The following C7 variants were observed in gnomAD, a reference collection of about 807,000 sequenced individuals.
C7 encodes complement component C7.
Under a neutral mutation model 104.8 loss-of-function variants are expected in C7, and 83 were observed. That is an observed-to-expected ratio of 0.79 (90% CI 0.66 to 0.95). The LOEUF (loss-of-function observed/expected upper bound fraction) is 0.95, where lower values mean the gene tolerates loss of function less well. Ranked by LOEUF, C7 falls within the 40% of genes least tolerant of loss-of-function variation. The pLI is 0.00. For synonymous variants in C7, 415 were observed against 360.6 expected, an observed-to-expected ratio of 1.15 and a Z score of -1.71; for missense variants, 1,070 against 1,011.2, an observed-to-expected ratio of 1.06 and a Z score of -0.79.
chr5:40,948,112 A>T (rs1355185302), intron 8 of C7, among the ~76,000 whole-genome samples: 1 of 152,156 alleles, frequency 6.6e-6, no homozygotes, highest in African/African-American at 2.4e-5. Flanking sequence ...GGTTTTTAGA[A>T]TGCTTTTTAA....
At chr5:40,956,195 A>C (rs149135927) in intron 10 of C7, among the ~76,000 whole-genome samples, 1 of 152,332 alleles carries the variant, frequency 6.6e-6, no homozygotes, top group African/African-American at 2.4e-5. Context: ...GGTTTTATAC[A>C]TGTTAAATTA....
At position 40,958,126 on chromosome 5, in the gene C7, T is replaced by C; in HGVS notation, c.1354T>C (p.Phe452Leu). ...KWALEEYLDE[F>L]DPCHCRPCQN... ...GGCTCTTGAAGAGTATCTGGATGAATTTGACCCCTGTCATTGCCGGCCTTG... is the reference window on the plus strand; with the variant it reads ...GGCTCTTGAAGAGTATCTGGATGAACTTGACCCCTGTCATTGCCGGCCTTG... The change falls in exon 11 of 18, where the codon TTT becomes CTT. Residue 452 changes from phenylalanine (F) to leucine (L), a missense_variant. By Grantham distance (22) the Phe-to-Leu change is conservative. Coordinates refer to ENST00000313164, the MANE Select transcript of C7 (RefSeq NM_000587.4). 62 of 1,613,850 alleles carry C rather than the reference T, an allele frequency of 3.8e-5. No homozygotes were observed. The highest frequency in any genetic ancestry group is 5.3e-5 in the Non-Finnish European group (62 of 1,179,792).
At chr5:40,969,459 T>C (rs1344148341) in intron 14 of C7, among the ~76,000 whole-genome samples, 3 of 152,226 alleles carry the variant, frequency 2.0e-5, no homozygotes, top group African/African-American at 7.2e-5. Flanking sequence ...GTTAAATTAG[T>C]TTTAATTGAA....
At chr5:40,915,232 T>A (rs1207755798) in intron 1 of C7, among the ~76,000 whole-genome samples, 1 of 152,150 alleles carries the variant, frequency 6.6e-6, no homozygotes, top group Non-Finnish European at 1.5e-5. Context: ...TCCAACTGGA[T>A]CAGTCAAGCA....
intron 12 of C7, among the ~76,000 whole-genome samples, chr5:40,961,661 C>T (rs1381251988): frequency 6.6e-6 from 1 of 152,196 alleles, no homozygotes; most frequent in Non-Finnish European, 1.5e-5. Flanking sequence ...GCTGGGATTA[C>T]AGGCGTGAGC....
rs369521627 is a variant in C7, at chr5:40,984,346, C to A, written c.*2773C>A. On this transcript the variant is annotated 3_prime_UTR_variant, in exon 18 of 18. Transcript: ENST00000313164. ...GAAATCTGACAAGTGACCCCCGGAA[C>A]TTTGGATTACCTAGCAACTAGCCAG... Among the ~76,000 whole-genome samples, 21 of 152,246 alleles carry A rather than the reference C, an allele frequency of 1.4e-4. No individual in the cohort carries two copies. Among genetic ancestry groups the A allele is most frequent in the African/African-American group, 4.6e-4 (19 of 41,552 alleles).
intron 17 of C7, chr5:40,980,421 A>T (rs1185685003): frequency 6.6e-6 from 1 of 152,350 alleles, no homozygotes; most frequent in Non-Finnish European, 1.5e-5. Context: ...GGGTGTTAAA[A>T]ACATACTAGC....
rs777376438 is a variant in C7, at chr5:40,976,741, C to A, written c.2075-9C>A. 3.9e-5 allele frequency: 61 copies of A among 1,579,696 alleles called. No individual in the cohort carries two copies. The highest frequency in any genetic ancestry group is 5.3e-5 in the Non-Finnish European group (61 of 1,160,860). On this transcript the variant is annotated splice_polypyrimidine_tract_variant and intron_variant, in intron 15 of 17. Coordinates refer to ENST00000313164, the MANE Select transcript of C7 (RefSeq NM_000587.4). ...TCCTAACGACCACATCTCCCTTATC[C>A]TTTTTTAGAAAATCCGTTAACACAG...
chr5:40,970,957 T>C (rs1189546505), intron 14 of C7, among the ~76,000 whole-genome samples: 1 of 152,232 alleles, frequency 6.6e-6, no homozygotes, highest in African/African-American at 2.4e-5. Flanking sequence ...GGTGTATATG[T>C]GCCATATTTT....
rs1740723861 is a variant in C7, at chr5:40,972,565, A to G, written c.2045A>G (p.Glu682Gly). 1 of 1,610,228 alleles carries G rather than the reference A, an allele frequency of 6.2e-7. No homozygotes were observed. Residue 682 changes from glutamate (E) to glycine (G), a missense_variant, in exon 15 of 18, where the codon GAG becomes GGG. By Grantham distance (98) the Glu-to-Gly change is moderately conservative (BLOSUM62 -2). Coordinates refer to ENST00000313164, the MANE Select transcript of C7 (RefSeq NM_000587.4). ...LCGSSLKWSP[E>G]MKNARCVQKE... ...GGCTCCAGCCTTAAGTGGAGTCCTG[A>G]GATGAAGAATGCCCGCTGTGTACAA...
intron 1 of C7, among the ~76,000 whole-genome samples, chr5:40,919,205 C>G (rs112106395): frequency 6.6e-6 from 1 of 151,296 alleles, no homozygotes; most frequent in Non-Finnish European, 1.5e-5. Flanking sequence ...CTCACTACAA[C>G]CTCCACCTCC....
chr5:40,912,342 T>C (rs1561233526), intron 1 of C7, among the ~76,000 whole-genome samples: 1 of 152,192 alleles, frequency 6.6e-6, no homozygotes, highest in Non-Finnish European at 1.5e-5. Context: ...TGATAAAAAG[T>C]ATATTTCCTA....
intron 13 of C7, among the ~76,000 whole-genome samples, chr5:40,964,033 T>G (rs10059798): frequency 0.026 from 3,055 of 117,130 alleles, 129 homozygotes; most frequent in African/African-American, 0.11. Flanking sequence ...TTTTTTTTTT[T>G]TTTTTTTTTT....
intron 3 of C7, 127 bp from the exon 4 acceptor site, chr5:40,934,198 T>C (rs1739757245): frequency 2.0e-6 from 2 of 985,384 alleles, no homozygotes; most frequent in Middle Eastern, 5.6e-4. Flanking sequence ...ACCAGAACAA[T>C]TTTCCAGACG....
chr5:40,963,308 C>A (rs952377994), intron 13 of C7, among the ~76,000 whole-genome samples: 1 of 152,174 alleles, frequency 6.6e-6, no homozygotes, highest in Non-Finnish European at 1.5e-5. Flanking sequence ...GCCTAAGAGT[C>A]TATTTTGTAA....
intron 9 of C7, among the ~76,000 whole-genome samples, chr5:40,954,721 T>TA (rs1260153253): frequency 5.3e-5 from 8 of 151,014 alleles, no homozygotes; most frequent in African/African-American, 1.9e-4. Context: ...CCATCTCTAC[T>TA]AAAAATACAA....
chr5:40,943,106 T>G (rs900123590), intron 6 of C7, among the ~76,000 whole-genome samples: 1 of 152,146 alleles, frequency 6.6e-6, no homozygotes, highest in East Asian at 1.9e-4. Context: ...GAAAACATGA[T>G]AGCAGGTCAT....
intron 9 of C7, 57 bp from the exon 10 acceptor site, chr5:40,955,330 T>C (rs914917860): frequency 2.6e-6 from 4 of 1,514,814 alleles, no homozygotes; most frequent in Non-Finnish European, 3.6e-6. Flanking sequence ...TACAATTTGA[T>C]AGTTTTTTTA....
At chr5:40,922,478 G>A (rs1368093294) in intron 1 of C7, among the ~76,000 whole-genome samples, 1 of 151,318 alleles carries the variant, frequency 6.6e-6, no homozygotes, top group Non-Finnish European at 1.5e-5. Flanking sequence ...GAGGTGGGCG[G>A]ATCATGAAGT....
Sources: gnomAD v4.1 joint callset for allele counts (sites outside exome capture counted in the v4.1 genomes callset) on GRCh38, gnomAD v4.1.1 for gene constraint, MANE v1.5 for transcripts, NCBI Gene and HGNC (gene_info 2026-07-23, HGNC 2026-07-21) for gene names.